ADAMTS17: variants seen among roughly 807,000 people sequenced by gnomAD.
ADAMTS17 encodes the protein ADAM metallopeptidase with thrombospondin type 1 motif 17, also known as A disintegrin and metalloproteinase with thrombospondin motifs 17.
In ADAMTS17, 113 loss-of-function variants were observed where a neutral mutation model predicts 141.5. That is an observed-to-expected ratio of 0.80 (90% confidence interval 0.69 to 0.93). ADAMTS17 has a LOEUF of 0.93. ADAMTS17 is among the 40% of genes least tolerant of loss of function. ADAMTS17 has a pLI of 0.00. For missense variants in ADAMTS17, 1,659 were observed against 1,517.9 expected (o/e 1.09, Z -1.54); for synonymous variants, 768 against 630.6 (o/e 1.22, Z -3.27).
rs769415971 is a variant in ADAMTS17 at position 100,281,272 on chromosome 15, C to T, written c.746G>A (p.Gly249Glu). ...VADADMVQYHGAEAAQRFILT... is the reference protein window; with the variant it reads ...VADADMVQYHEAEAAQRFILT... The stretch of plus-strand genomic sequence containing the variant: ...GATGAACCTCTGGGCGGCCTCGGCC[C>T]CGTGGTACTGCACCATGTCGGCGTC... Residue 249 changes from glycine (G) to glutamate (E), a missense_variant, in exon 4 of 22, where the codon GGG becomes GAG. Transcript: ENST00000268070. 1.9e-6 allele frequency: 3 copies of T among 1,608,014 alleles called. No individual in the cohort carries two copies. Among genetic ancestry groups the T allele is most frequent in the Non-Finnish European group, 1.7e-6 (2 of 1,180,004 alleles).
Position 100,106,456 on chromosome 15 carries a change from C to T in ADAMTS17, c.2016+2533G>A, listed in dbSNP as rs942239134. 4.6e-5 allele frequency among the ~76,000 whole-genome samples: 7 copies of T among 152,174 alleles called. No individual in the cohort carries two copies. In the East Asian group the frequency reaches 5.8e-4, roughly 13 times the overall value. On this transcript the variant is annotated intron_variant, in intron 14 of 21. Transcript: ENST00000268070. ...GAGCAGCATTTTCTCTTTGATTCTA[C>T]GACTAAAGGTTTCATTGTCATAGTA...
intron 4 of ADAMTS17, among the ~76,000 whole-genome samples, chr15:100,277,534 AAGAG>A (rs559220340): frequency 1.3e-5 from 2 of 152,208 alleles, no homozygotes; most frequent in African/African-American, 4.8e-5. Context: ...TAATTAAAAA[AAGAG>A]AGAGAGATAA....
At chr15:100,163,504 T>C (rs570023976) in intron 8 of ADAMTS17, among the ~76,000 whole-genome samples, 3 of 152,280 alleles carry the variant, frequency 2.0e-5, no homozygotes, top group South Asian at 4.1e-4. Context: ...TTTTAATTAA[T>C]AGACAGGGTC....
intron 7 of ADAMTS17, among the ~76,000 whole-genome samples, chr15:100,250,668 G>A (rs1253213853): frequency 6.6e-6 from 1 of 152,126 alleles, no homozygotes; most frequent in Non-Finnish European, 1.5e-5. Flanking sequence ...AGATGTCACA[G>A]AACTTTATAC....
intron 12 of ADAMTS17, among the ~76,000 whole-genome samples, chr15:100,118,728 G>A (rs1231574372): frequency 6.6e-6 from 1 of 152,164 alleles, no homozygotes; most frequent in Non-Finnish European, 1.5e-5. Context: ...AAGGAGCACA[G>A]AAGGGCTGGC....
intron 11 of ADAMTS17, 22 bp downstream of exon 11, chr15:100,133,192 G>A (rs763997296): frequency 1.0e-5 from 16 of 1,562,850 alleles, no homozygotes; most frequent in Non-Finnish European, 1.4e-5. Flanking sequence ...CCTGTTGGGG[G>A]CAGTGGGAAG....
chr15:100,160,866 TGATACTTGA>T (rs1310515567), intron 8 of ADAMTS17, among the ~76,000 whole-genome samples: 1 of 152,250 alleles, frequency 6.6e-6, no homozygotes, highest in African/African-American at 2.4e-5. Context: ...GGAGGAGCCT[TGATACTTGA>T]GGCTGACATC....
At chr15:100,147,189 C>A (rs1023615264) in intron 10 of ADAMTS17, among the ~76,000 whole-genome samples, 1 of 152,064 alleles carries the variant, frequency 6.6e-6, no homozygotes, top group African/African-American at 2.4e-5. Flanking sequence ...TGATGTCTCC[C>A]CTGGACGCCC....
chr15:100,015,419 TTTTC>T (rs1397023599), intron 18 of ADAMTS17, among the ~76,000 whole-genome samples: 3 of 151,786 alleles, frequency 2.0e-5, no homozygotes, highest in African/African-American at 7.3e-5. Context: ...TTTTTTTTGT[TTTTC>T]TTTTTGTTTT....
chr15:100,061,718 G>C (rs565143279), intron 15 of ADAMTS17, among the ~76,000 whole-genome samples: 7 of 152,398 alleles, frequency 4.6e-5, no homozygotes, highest in Middle Eastern at 3.4e-3. Flanking sequence ...GGAAATCTCA[G>C]AAGCCGGGGT....
At chr15:100,286,866 T>C (rs2044464240) in intron 3 of ADAMTS17, among the ~76,000 whole-genome samples, 1 of 151,522 alleles carries the variant, frequency 6.6e-6, no homozygotes. Context: ...CAGGAGAAAG[T>C]TGAAACCCAA....
chr15:100,216,786 A>G (rs2041981536), intron 7 of ADAMTS17, among the ~76,000 whole-genome samples: 1 of 152,204 alleles, frequency 6.6e-6, no homozygotes, highest in African/African-American at 2.4e-5. Flanking sequence ...CATCAAGGGG[A>G]AAGAGAACTC....
Position 100,132,057 on chromosome 15 carries a change from T to C in ADAMTS17, c.1671A>G (p.Arg557=). The change falls in exon 12 of 22, where the codon CGA becomes CGG. Residue 557 remains arginine (R), a synonymous_variant. Transcript: ENST00000268070. Reference sequence around the variant, plus strand: ...TGAAGCGGGCTCCCGTCCCACATGTTCGGCTGCACATGCTCCAGGCGCCCC... The same window carrying C: ...TGAAGCGGGCTCCCGTCCCACATGTCCGGCTGCACATGCTCCAGGCGCCCC... The part of the protein sequence containing the change: ...SPWGAWSMCS[R]TCGTGARFRQ... 2 of 1,613,904 alleles carry C rather than the reference T, an allele frequency of 1.2e-6. No individual in the cohort carries two copies. Among genetic ancestry groups the C allele is most frequent in the Middle Eastern group, 1.6e-4 (1 of 6,062 alleles).
At chr15:100,157,888 C>G (rs1486364000) in intron 8 of ADAMTS17, among the ~76,000 whole-genome samples, 3 of 141,438 alleles carry the variant, frequency 2.1e-5, no homozygotes, top group Non-Finnish European at 4.6e-5. Context: ...TAGCTATATT[C>G]TTTTTTTTTT....
chr15:100,132,913 T>C (rs762496660), intron 11 of ADAMTS17, among the ~76,000 whole-genome samples: 1 of 152,258 alleles, frequency 6.6e-6, no homozygotes, highest in Non-Finnish European at 1.5e-5. Context: ...GCAGGTGATG[T>C]TGTTTTTCCA....
chr15:99,999,491 G>A (rs2060874576), intron 18 of ADAMTS17, among the ~76,000 whole-genome samples: 1 of 152,078 alleles, frequency 6.6e-6, no homozygotes, highest in African/African-American at 2.4e-5. Flanking sequence ...TCACAGGGGT[G>A]CAAAGGCCCT....
At chr15:99,984,524 CCA>C (rs2060546179) in intron 20 of ADAMTS17, among the ~76,000 whole-genome samples, 1 of 152,142 alleles carries the variant, frequency 6.6e-6, no homozygotes, top group Non-Finnish European at 1.5e-5. Flanking sequence ...GATGACTGCC[CCA>C]GATGGTGATT....
At chr15:100,273,622 T>A (rs1370274327) in intron 4 of ADAMTS17, among the ~76,000 whole-genome samples, 1 of 152,196 alleles carries the variant, frequency 6.6e-6, no homozygotes, top group East Asian at 1.9e-4. Flanking sequence ...ATTTTCTTAA[T>A]CTTTCCAAAG....
chr15:100,054,079 G>A, intron 15 of ADAMTS17, 25 bp from the exon 16 acceptor site: 1 of 1,613,966 alleles, frequency 6.2e-7, no homozygotes, highest in South Asian at 1.1e-5. Flanking sequence ...GAAGACCAAA[G>A]AATCAAGGGG....
Sources: gnomAD v4.1 joint callset for allele counts (sites outside exome capture counted in the v4.1 genomes callset) on GRCh38, gnomAD v4.1.1 for gene constraint, MANE v1.5 for transcripts, NCBI Gene and HGNC (gene_info 2026-07-23, HGNC 2026-07-21) for gene names.